Variants in CFL2 observed in about 807,000 individuals in gnomAD.
CFL2 encodes cofilin 2, also known as cofilin-2.
Under a neutral mutation model 19.6 loss-of-function variants are expected in CFL2, and 10 were observed. The ratio of observed to expected loss-of-function variants is 0.51; its 90% CI spans 0.31 to 0.86. The LOEUF (loss-of-function observed/expected upper bound fraction) is 0.86, where lower values mean the gene tolerates loss of function less well. Ranked by LOEUF, CFL2 falls within the 40% of genes least tolerant of loss-of-function variation. CFL2 has a pLI of 0.04. For synonymous variants in CFL2, 63 were observed against 66.7 expected (o/e 0.95, Z 0.27); for missense variants, 125 against 192.1 (o/e 0.65, Z 2.06).
chr14:34,713,931 T>C (rs1437588643), intron 1 of CFL2: 1 of 904,348 alleles, frequency 1.1e-6, no homozygotes, highest in Non-Finnish European at 1.6e-6. Context: ...TGGATTTCAG[T>C]TAATGCTTCT....
rs1794121869 is a variant in CFL2, at chr14:34,710,501, A to C, written c.*2364T>G. ...TCATAACTTTGCAAGCTAGCAGTAA[A>C]ATATTGCCTTCAATATTTTACTAAT... On this transcript the variant is annotated 3_prime_UTR_variant, in exon 4 of 4. Coordinates refer to ENST00000298159, the MANE Select transcript of CFL2 (RefSeq NM_138638.5). 2.3e-6 allele frequency: 1 copy of C among 440,936 alleles called. No homozygotes were observed. Among genetic ancestry groups the C allele is most frequent in the Admixed American group, 2.5e-5 (1 of 40,040 alleles). The allele number at this position is 440,936 out of a possible 1,614,324, so 27.3% of individuals were successfully genotyped here.
rs199532343 is a variant in CFL2, at chr14:34,711,567, AAAG to A, written c.*1295_*1297del. On this transcript the variant is annotated 3_prime_UTR_variant, in exon 4 of 4. Transcript: ENST00000298159. ...ACATCAGAAGTATCATTAAACTTTT[AAAG>A]GACATTTTACAAATTATTTTCATTA... 5,541 of 454,326 alleles carry A rather than the reference AAAG, an allele frequency of 0.012. 55 individuals carry two copies. The highest frequency in any genetic ancestry group is 0.029 in the Middle Eastern group (42 of 1,444). 28.1% of individuals were successfully genotyped at this position (454,326 alleles called of 1,614,324 possible).
In CFL2 at chr14:34,712,618, G is replaced by C. The variant is rs760070728; in HGVS notation, c.*247C>G. 8.0e-6 allele frequency: 5 copies of C among 625,588 alleles called. No homozygotes were observed. The highest frequency in any genetic ancestry group is 7.6e-5 in the South Asian group (5 of 66,062). The allele number at this position is 625,588 out of a possible 1,614,324, so 38.8% of individuals were successfully genotyped here. ...TTGCTGCAAGGGAGGCATATAACCA[G>C]TTGTTTTGGCTAAAATATGACAGGA... On this transcript the variant is annotated 3_prime_UTR_variant, in exon 4 of 4. Coordinates refer to ENST00000298159, the MANE Select transcript of CFL2 (RefSeq NM_138638.5).
chr14:34,712,568 T>A lies in CFL2; in HGVS notation c.*297A>T, dbSNP rs545060656. On this transcript the variant is annotated 3_prime_UTR_variant, in exon 4 of 4. Coordinates refer to ENST00000298159, the MANE Select transcript of CFL2 (RefSeq NM_138638.5). The stretch of plus-strand genomic sequence containing the variant: ...TTTGCAGTATTCTAAGCTATTCACA[T>A]TGACGATCACATACATTGTAGTGCT... 5 of 530,628 alleles carry A rather than the reference T, an allele frequency of 9.4e-6. No individual in the cohort carries two copies. The highest frequency in any genetic ancestry group is 1.8e-5 in the Non-Finnish European group (5 of 277,666). The allele number at this position is 530,628 out of a possible 1,614,324, so 32.9% of individuals were successfully genotyped here. A position where few individuals can be genotyped will look rare whatever the true frequency, so the allele number is the denominator to read the frequency against.
rs971201379 is a variant in CFL2, at chr14:34,709,952, T to C, written c.*2913A>G. ...ACCTATGAAGAGCAAAATGAGACTG[T>C]TTTTTCTGAGTGGCAAACCTAAGAG... On this transcript the variant is annotated 3_prime_UTR_variant, in exon 4 of 4. Coordinates refer to ENST00000298159, the MANE Select transcript of CFL2 (RefSeq NM_138638.5). The C allele has an allele frequency of 9.8e-5, 15 of 152,298 alleles. 1 individual carries two copies. Among genetic ancestry groups the C allele is most frequent in the Admixed American group, 8.5e-4 (13 of 15,276 alleles). The allele number at this position is 152,298 out of a possible 1,614,324, so 9.4% of individuals were successfully genotyped here.
Position 34,713,509 on chromosome 14 carries a change from T to A in CFL2, c.56A>T (p.Lys19Ile). The change falls in exon 2 of 4, where the codon AAA becomes ATA. Residue 19 changes from lysine (K) to isoleucine (I), a missense_variant. Physicochemically the swap from Lys to Ile is moderately radical, Grantham distance 102. Transcript: ENST00000298159. Reference protein sequence around the residue: ...DEVIKVFNDMKVRKSSTQEEI... With the variant: ...DEVIKVFNDMIVRKSSTQEEI... ...CTCTTGTGTAGAAGATTTCCTTACT[T>A]TCATATCATTAAAAACTTTGATGAC... is the stretch of plus-strand genomic sequence containing the variant. The A allele has an allele frequency of 6.2e-7, 1 of 1,614,078 alleles. No individual in the cohort carries two copies. The highest frequency in any genetic ancestry group is 8.5e-7 in the Non-Finnish European group (1 of 1,179,980).
chr14:34,714,055 C>T, intron 1 of CFL2: 1 of 416,700 alleles, frequency 2.4e-6, no homozygotes, highest in South Asian at 2.9e-5. Context: ...TGCAGACACT[C>T]CAAAACTAAC....
Position 34,714,524 on chromosome 14 carries a change from C to G in CFL2, c.3+14G>C. 6.3e-7 allele frequency: 1 copy of G among 1,581,358 alleles called. No homozygotes were observed. Among genetic ancestry groups the G allele is most frequent in the Non-Finnish European group, 8.6e-7 (1 of 1,166,942 alleles). ...CGCCTCGCCGCGGCCTCCCGGCCAG[C>G]GCGCTCGTCTTACCATAGTGCCCTC... On this transcript the variant is annotated intron_variant, in intron 1 of 3. Transcript: ENST00000298159.
Position 34,712,038 on chromosome 14 carries a change from C to T in CFL2, c.*827G>A, listed in dbSNP as rs968441867. The stretch of plus-strand genomic sequence containing the variant: ...TAATATGCCACAATTTTTATTGCAA[C>T]GTGGCCATTTTTGTGAGGGTGGGGA... On this transcript the variant is annotated 3_prime_UTR_variant, in exon 4 of 4. Coordinates refer to ENST00000298159, the MANE Select transcript of CFL2 (RefSeq NM_138638.5). The T allele has an allele frequency of 1.3e-5, 6 of 454,350 alleles. No individual in the cohort carries two copies. The highest frequency in any genetic ancestry group is 2.2e-5 in the Non-Finnish European group (5 of 226,774). The allele number at this position is 454,350 out of a possible 1,614,324, so 28.1% of individuals were successfully genotyped here.
rs1566521480 is a variant in CFL2 at position 34,709,170 on chromosome 14, GAATA to G, written c.*3691_*3694del. 1 of 151,978 alleles carries G rather than the reference GAATA, an allele frequency of 6.6e-6. No individual in the cohort carries two copies. The allele number at this position is 151,978 out of a possible 1,614,324, so 9.4% of individuals were successfully genotyped here. A position where few individuals can be genotyped will look rare whatever the true frequency, so the allele number is the denominator to read the frequency against. Reference sequence around the variant, plus strand: ...CTACTTACATACAGTAATTAAGAATGAATAGTTTAAACAGATTATTGCATTTACA... The same window carrying G: ...CTACTTACATACAGTAATTAAGAATGGTTTAAACAGATTATTGCATTTACA... On this transcript the variant is annotated 3_prime_UTR_variant, in exon 4 of 4. Coordinates refer to ENST00000298159, the MANE Select transcript of CFL2 (RefSeq NM_138638.5).
chr14:34,713,052 G>A lies in CFL2; in HGVS notation c.388+8C>T. On this transcript the variant is annotated splice_region_variant and intron_variant, in intron 3 of 3. Coordinates refer to ENST00000298159, the MANE Select transcript of CFL2 (RefSeq NM_138638.5). ...TAATTTCTCTGCCCCAAATATTCAA[G>A]TTTGTACCTGTAAATTTCTTTTTAA... The A allele has an allele frequency of 6.3e-7, 1 of 1,575,202 alleles. No homozygotes were observed. Among genetic ancestry groups the A allele is most frequent in the South Asian group, 1.2e-5 (1 of 86,730 alleles).
intron 1 of CFL2, chr14:34,714,172 C>G (rs1404468692): frequency 5.4e-6 from 2 of 373,158 alleles, no homozygotes; most frequent in Non-Finnish European, 9.7e-6. Context: ...AGACCCTGAC[C>G]CACACAGCGT....
At position 34,710,581 on chromosome 14, in the gene CFL2, G is replaced by A. The variant is rs372609152; in HGVS notation, c.*2284C>T. On this transcript the variant is annotated 3_prime_UTR_variant, in exon 4 of 4. Transcript: ENST00000298159. Reference sequence around the variant, plus strand: ...GAACATTGATTCATTATAAATGATTGTAAAATAAAATGATCATTTCAAATG... The same window carrying A: ...GAACATTGATTCATTATAAATGATTATAAAATAAAATGATCATTTCAAATG... The A allele has an allele frequency of 2.2e-4, 96 of 432,362 alleles. 1 individual carries two copies. In the East Asian group the frequency reaches 4.0e-3, roughly 18 times the overall value. The allele number at this position is 432,362 out of a possible 1,614,324, so 26.8% of individuals were successfully genotyped here.
chr14:34,710,750 A>C lies in CFL2; in HGVS notation c.*2115T>G, dbSNP rs954994031. 4.4e-6 allele frequency: 2 copies of C among 451,298 alleles called. No individual in the cohort carries two copies. Among genetic ancestry groups the C allele is most frequent in the Non-Finnish European group, 8.8e-6 (2 of 226,098 alleles). 28.0% of individuals were successfully genotyped at this position (451,298 alleles called of 1,614,324 possible). ...TAGCAAATCAAAGTATCACAGTTTA[A>C]AGCAATATTTAATCTCTGAAATTAC... On this transcript the variant is annotated 3_prime_UTR_variant, in exon 4 of 4. Coordinates refer to ENST00000298159, the MANE Select transcript of CFL2 (RefSeq NM_138638.5).
At chr14:34,714,283 C>T (rs1399414561) in intron 1 of CFL2, 16 of 493,910 alleles carry the variant, frequency 3.2e-5, no homozygotes, top group East Asian at 1.8e-4. Flanking sequence ...CCCTCTCGCG[C>T]CCCCGCCCGC....
Position 34,711,525 on chromosome 14 carries a change from G to A in CFL2, c.*1340C>T. The A allele has an allele frequency of 2.2e-6, 1 of 454,490 alleles. No individual in the cohort carries two copies. Among genetic ancestry groups the A allele is most frequent in the South Asian group, 1.6e-5 (1 of 64,472 alleles). 28.2% of individuals were successfully genotyped at this position (454,490 alleles called of 1,614,324 possible). A position where few individuals can be genotyped will look rare whatever the true frequency, so the allele number is the denominator to read the frequency against. On this transcript the variant is annotated 3_prime_UTR_variant, in exon 4 of 4. Coordinates refer to ENST00000298159, the MANE Select transcript of CFL2 (RefSeq NM_138638.5). ...CAAAATATATTCAGAAATAGTAGGT[G>A]AAATGACTGTTCCGAAACATCAGAA... is the stretch of plus-strand genomic sequence containing the variant.
rs1402735537 is a variant in CFL2, at chr14:34,710,010, G to A, written c.*2855C>T. On this transcript the variant is annotated 3_prime_UTR_variant, in exon 4 of 4. Coordinates refer to ENST00000298159, the MANE Select transcript of CFL2 (RefSeq NM_138638.5). Reference sequence around the variant, plus strand: ...AACCTCTTGATGATTTACCATTGTTGAGATTATTCCTTAACAAGAAAACAC... The same window carrying A: ...AACCTCTTGATGATTTACCATTGTTAAGATTATTCCTTAACAAGAAAACAC... 2 of 152,512 alleles carry A rather than the reference G, an allele frequency of 1.3e-5. No individual in the cohort carries two copies. The highest frequency in any genetic ancestry group is 4.8e-5 in the African/African-American group (2 of 41,430). 9.4% of individuals were successfully genotyped at this position (152,512 alleles called of 1,614,324 possible).
At chr14:34,714,305 C>T (rs2138476885) in intron 1 of CFL2, 5 of 593,212 alleles carry the variant, frequency 8.4e-6, no homozygotes, top group Admixed American at 4.3e-5. Flanking sequence ...CGGCCCCGAC[C>T]CCCAACCTGC....
rs201119570 is a variant in CFL2 at position 34,713,939 on chromosome 14, TCTA to T, written c.4-381_4-379del. The stretch of plus-strand genomic sequence containing the variant: ...ACACTTTTGGATTTCAGTTAATGCT[TCTA>T]CTATTTTTTTCTTTAAAGTCATCCT... On this transcript the variant is annotated intron_variant, in intron 1 of 3. Coordinates refer to ENST00000298159, the MANE Select transcript of CFL2 (RefSeq NM_138638.5). The T allele has an allele frequency of 1.3e-3, 1,174 of 872,002 alleles. 30 individuals carry two copies. In the East Asian group the frequency reaches 0.032, roughly 24 times the overall value. 54.0% of individuals were successfully genotyped at this position (872,002 alleles called of 1,614,324 possible).
Sources: allele counts gnomAD v4.1 joint callset, GRCh38; gene constraint gnomAD v4.1.1; transcripts MANE v1.5; gene names NCBI Gene and HGNC (gene_info 2026-07-23, HGNC 2026-07-21).